NXN: variants seen among roughly 807,000 people sequenced by gnomAD.
NXN encodes nucleoredoxin, also known as nucleoredoxin 1.
In NXN, 16 loss-of-function variants were observed where a neutral mutation model predicts 48.6. That is an observed-to-expected ratio of 0.33 (90% CI 0.22 to 0.50). The LOEUF (loss-of-function observed/expected upper bound fraction) is 0.50, where lower values mean the gene tolerates loss of function less well. NXN is among the 20% of genes least tolerant of loss of function. The probability of loss-of-function intolerance (pLI) is 0.98; values close to 1 mark genes in which losing one functional copy is unlikely to be tolerated. For synonymous variants in NXN, 281 were observed against 269.6 expected (o/e 1.04, Z -0.41); for missense variants, 492 against 605.5 (o/e 0.81, Z 1.97).
intron 1 of NXN, among the ~76,000 whole-genome samples, chr17:948,577 G>C (rs1294128358): frequency 6.6e-6 from 1 of 151,978 alleles, no homozygotes; most frequent in Non-Finnish European, 1.5e-5. Flanking sequence ...AAGCAGCCTG[G>C]GAAAGGAATG....
Position 835,084 on chromosome 17 carries a change from G to A in NXN, c.361-9006C>T, listed in dbSNP as rs189991173. Among the ~76,000 whole-genome samples the A allele has an allele frequency of 5.9e-3, 897 of 151,328 alleles. 10 individuals are homozygous for A. Among genetic ancestry groups the A allele is most frequent in the African/African-American group, 0.018 (749 of 41,374 alleles). ...AGCACTTTGGGAGGCCGAGGCGGGCGGATCACAAGGTCAGGAGATCGAGAC... is the reference window on the plus strand; with the variant it reads ...AGCACTTTGGGAGGCCGAGGCGGGCAGATCACAAGGTCAGGAGATCGAGAC... On this transcript the variant is annotated intron_variant, in intron 1 of 7. Coordinates refer to ENST00000336868, the MANE Select transcript of NXN (RefSeq NM_022463.5).
At chr17:868,649 G>C (rs550749863) in intron 1 of NXN, among the ~76,000 whole-genome samples, 1 of 152,002 alleles carries the variant, frequency 6.6e-6, no homozygotes, top group Non-Finnish European at 1.5e-5. Context: ...CCACCACCAC[G>C]CCCGGATCAT....
At chr17:934,686 C>CA (rs2068890101) in intron 1 of NXN, among the ~76,000 whole-genome samples, 1 of 151,190 alleles carries the variant, frequency 6.6e-6, no homozygotes, top group African/African-American at 2.4e-5. Context: ...CCAGCCTGGC[C>CA]AACACGGTGA....
intron 2 of NXN, 53 bp from the exon 3 acceptor site, chr17:823,818 G>A (rs1205790803): frequency 1.2e-6 from 2 of 1,605,776 alleles, no homozygotes; most frequent in Middle Eastern, 1.7e-4. Context: ...TTGATGACCT[G>A]GGACCCAGGA....
rs888370100 is a variant in NXN, at chr17:932,481, T to A, written c.360+46838A>T. On this transcript the variant is annotated intron_variant, in intron 1 of 7. Coordinates refer to ENST00000336868, the MANE Select transcript of NXN (RefSeq NM_022463.5). The surrounding 1 kb of genome is among the most constrained non-coding windows in gnomAD (Gnocchi z 4.1). Reference sequence around the variant, plus strand: ...CCGCAGGTCTTCAGCAAAACAAAACTCTGAGGCGGCGTTGGGTCCAGTCGT... The same window carrying A: ...CCGCAGGTCTTCAGCAAAACAAAACACTGAGGCGGCGTTGGGTCCAGTCGT... 6.6e-6 allele frequency among the ~76,000 whole-genome samples: 1 copy of A among 152,176 alleles called. No homozygotes were observed.
At chr17:928,188 C>A (rs186134562) in intron 1 of NXN, among the ~76,000 whole-genome samples, 2 of 152,136 alleles carry the variant, frequency 1.3e-5, no homozygotes, top group Non-Finnish European at 2.9e-5. Context: ...AAGTGGGGGT[C>A]TCAAGAGCAC....
intron 1 of NXN, among the ~76,000 whole-genome samples, chr17:926,702 C>T (rs2068803860): frequency 6.7e-6 from 1 of 150,274 alleles, no homozygotes; most frequent in Admixed American, 6.7e-5. Context: ...TGCACCACCA[C>T]GTCGGCTCAT....
chr17:940,508 G>A (rs562061880), intron 1 of NXN, among the ~76,000 whole-genome samples: 2 of 152,218 alleles, frequency 1.3e-5, no homozygotes, highest in Non-Finnish European at 2.9e-5. Context: ...CAATTCCACT[G>A]AGGTCAAAAG....
At position 919,912 on chromosome 17, in the gene NXN, TG is replaced by T. The variant is rs2068728060; in HGVS notation, c.360+59406del. The stretch of plus-strand genomic sequence containing the variant: ...CTGGTATTCACTAACCCCCAGGCCA[TG>T]GCGGAAAATGTACCTTCCATCTCTC... On this transcript the variant is annotated intron_variant, in intron 1 of 7. Coordinates refer to ENST00000336868, the MANE Select transcript of NXN (RefSeq NM_022463.5). The surrounding 1 kb of genome is among the most constrained non-coding windows in gnomAD (Gnocchi z 5.1). Among the ~76,000 whole-genome samples, 1 of 152,100 alleles carries T rather than the reference TG, an allele frequency of 6.6e-6. No homozygotes were observed. Among genetic ancestry groups the T allele is most frequent in the Non-Finnish European group, 1.5e-5 (1 of 68,020 alleles).
intron 1 of NXN, among the ~76,000 whole-genome samples, chr17:879,269 GTTTGGTT>G (rs4024550): frequency 0.73 from 106,225 of 146,042 alleles, 41,370 homozygotes; most frequent in Middle Eastern, 0.86. Context: ...TTTTGTTTTG[GTTTGGTT>G]TTTGGTTTTT....
Position 800,952 on chromosome 17 carries a change from G to A in NXN, c.1305C>T (p.Ile435=). 11 of 1,467,302 alleles carry A rather than the reference G, an allele frequency of 7.5e-6. No homozygotes were observed. The highest frequency in any genetic ancestry group is 1.0e-5 in the Non-Finnish European group (11 of 1,100,660). The allele number at this position is 1,467,302 out of a possible 1,614,324, so 90.9% of individuals were successfully genotyped here. Residue 435 remains isoleucine (I), a synonymous_variant, in exon 8 of 8, where the codon ATC becomes ATT. Coordinates refer to ENST00000336868, the MANE Select transcript of NXN (RefSeq NM_022463.5). The part of the protein sequence containing the change: ...FLAEKLKPEP[I] ...GTCTCAGGAGGCCGGAGCCACGCTA[G>A]ATGGGCTCCGGTTTGAGCTTCTCTG... is the stretch of plus-strand genomic sequence containing the variant.
chr17:832,930 C>T (rs111759778), intron 1 of NXN, among the ~76,000 whole-genome samples: 5 of 152,080 alleles, frequency 3.3e-5, no homozygotes, highest in Non-Finnish European at 5.9e-5. Context: ...TCTCGCTGTC[C>T]CCCAGGCTGG....
intron 1 of NXN, among the ~76,000 whole-genome samples, chr17:850,144 T>C (rs368665744): frequency 2.0e-5 from 3 of 152,086 alleles, no homozygotes; most frequent in Admixed American, 6.6e-5. Context: ...CATCACTAAA[T>C]CCTCACTGCT....
At chr17:810,172 T>C (rs1234964478) in intron 5 of NXN, among the ~76,000 whole-genome samples, 1 of 99,240 alleles carries the variant, frequency 1.0e-5, no homozygotes, top group Non-Finnish European at 2.2e-5. Flanking sequence ...GTTACGAGTC[T>C]GTGACTGGCG....
intron 5 of NXN, among the ~76,000 whole-genome samples, chr17:811,851 C>A (rs1175297099): frequency 1.3e-5 from 2 of 151,730 alleles, no homozygotes; most frequent in African/African-American, 4.8e-5. Context: ...GCCCCCTTCA[C>A]TCGGCAGGGT....
chr17:874,038 T>G (rs67515545), intron 1 of NXN, among the ~76,000 whole-genome samples: 1 of 151,150 alleles, frequency 6.6e-6, no homozygotes, highest in Non-Finnish European at 1.5e-5. Flanking sequence ...TAATCCCACA[T>G]GTAGTGGGAG....
At chr17:971,697 G>A (rs962459875) in intron 1 of NXN, among the ~76,000 whole-genome samples, 10 of 150,868 alleles carry the variant, frequency 6.6e-5, no homozygotes, top group South Asian at 2.1e-4. Flanking sequence ...GTGACAGAGC[G>A]AGACTCCATC....
chr17:915,832 C>T (rs1447046190), intron 1 of NXN, among the ~76,000 whole-genome samples: 2 of 149,872 alleles, frequency 1.3e-5, no homozygotes, highest in African/African-American at 5.1e-5. Flanking sequence ...GGTGTCAGAG[C>T]CGAAACTTCC....
chr17:923,885 C>T (rs184779503), intron 1 of NXN, among the ~76,000 whole-genome samples: 99 of 152,114 alleles, frequency 6.5e-4, no homozygotes, highest in African/African-American at 2.3e-3. Flanking sequence ...GGAGAATATT[C>T]GTGAGATAGT....
Sources: allele counts gnomAD v4.1 joint callset (sites outside exome capture counted in the v4.1 genomes callset), GRCh38; gene constraint gnomAD v4.1.1; non-coding constraint Gnocchi (gnomAD v3.1); transcripts MANE v1.5; gene names NCBI Gene and HGNC (gene_info 2026-07-23, HGNC 2026-07-21).